The following EIF2S1 variants were observed in gnomAD, a reference collection of about 807,000 sequenced individuals.
The protein encoded by EIF2S1 is eukaryotic translation initiation factor 2 subunit alpha, also known as eukaryotic translation initiation factor 2 subunit 1.
A neutral mutation model predicts 33.5 loss-of-function variants in EIF2S1; 5 were observed. The observed-to-expected ratio is 0.15, with a 90% CI of 0.08 to 0.31. EIF2S1 has a LOEUF of 0.31. EIF2S1 is among the 10% of genes least tolerant of loss of function. The pLI is 1.00. For missense variants in EIF2S1, 191 were observed against 384.6 expected, an observed-to-expected ratio of 0.50 and a Z score of 4.21; for synonymous variants, 99 against 127.5, an observed-to-expected ratio of 0.78 and a Z score of 1.51.
At chr14:67,380,042 T>C (rs10141180) in intron 4 of EIF2S1, among the ~76,000 whole-genome samples, 28,900 of 152,114 alleles carry the variant, frequency 0.19, 4,404 homozygotes, top group East Asian at 0.48. Flanking sequence ...CAGGCATGAG[T>C]CACTGGTGCC....
chr14:67,365,892 A>C (rs1006239973), intron 2 of EIF2S1, among the ~76,000 whole-genome samples: 4 of 152,146 alleles, frequency 2.6e-5, no homozygotes, highest in Admixed American at 2.0e-4. Flanking sequence ...GATGATACAT[A>C]GATTTTGAGG....
At chr14:67,368,314 T>G (rs1165593230) in intron 2 of EIF2S1, among the ~76,000 whole-genome samples, 1 of 152,130 alleles carries the variant, frequency 6.6e-6, no homozygotes, top group African/African-American at 2.4e-5. Flanking sequence ...AGGGAGAATT[T>G]TGGCTTGGTG....
chr14:67,378,909 TTTG>T (rs1386422137), intron 4 of EIF2S1, among the ~76,000 whole-genome samples: 7 of 152,230 alleles, frequency 4.6e-5, no homozygotes, highest in African/African-American at 1.7e-4. Flanking sequence ...ATCAATATCA[TTTG>T]TTTTTATTGT....
chr14:67,373,448 G>T (rs1328830276), intron 2 of EIF2S1, among the ~76,000 whole-genome samples: 1 of 152,166 alleles, frequency 6.6e-6, no homozygotes, highest in African/African-American at 2.4e-5. Context: ...GACAAAATTT[G>T]TCACCCATTC....
intron 2 of EIF2S1, among the ~76,000 whole-genome samples, chr14:67,366,148 T>C (rs2085777201): frequency 1.3e-5 from 2 of 151,598 alleles, no homozygotes; most frequent in South Asian, 2.1e-4. Context: ...AGTGGTATGA[T>C]CATAGGTCGC....
chr14:67,376,844 T>G (rs2141144172), intron 4 of EIF2S1, among the ~76,000 whole-genome samples: 1 of 152,350 alleles, frequency 6.6e-6, no homozygotes, highest in South Asian at 2.1e-4. Flanking sequence ...GCTATGGGAC[T>G]AAAGAGCATG....
In EIF2S1 at chr14:67,369,494, C is replaced by T. The variant is rs978465752; in HGVS notation, c.241+4486C>T. On this transcript the variant is annotated intron_variant, in intron 2 of 7. Transcript: ENST00000256383. ...CTTGACTTGTTTGATACCTAGAACA[C>T]TGCACCCAGAAAAGGCAAAATACAC... 2.6e-5 allele frequency among the ~76,000 whole-genome samples: 4 copies of T among 152,198 alleles called. No individual in the cohort carries two copies. The South Asian group carries it at 8.3e-4, about 31-fold the overall frequency.
chr14:67,383,914 C>G lies in EIF2S1; in HGVS notation c.*474C>G, dbSNP rs11547441. On this transcript the variant is annotated 3_prime_UTR_variant, in exon 8 of 8. Transcript: ENST00000256383. The stretch of plus-strand genomic sequence containing the variant: ...TTAAAAGCATTTTAATACTAAGACC[C>G]TAATTCTTTTATCTTTATTTTAGTC... The G allele has an allele frequency of 1.6e-5, 3 of 191,390 alleles. No individual in the cohort carries two copies. The highest frequency in any genetic ancestry group is 7.2e-5 in the African/African-American group (3 of 41,886). 11.9% of individuals were successfully genotyped at this position (191,390 alleles called of 1,614,324 possible).
chr14:67,374,066 T>A (rs2085843165), intron 2 of EIF2S1, among the ~76,000 whole-genome samples: 1 of 152,154 alleles, frequency 6.6e-6, no homozygotes, highest in Admixed American at 6.5e-5. Context: ...AAAAATTTAT[T>A]TCTGAAAACA....
chr14:67,383,163 T>G (rs1297780141), intron 7 of EIF2S1, 152 bp from the exon 8 acceptor site: 4 of 778,162 alleles, frequency 5.1e-6, no homozygotes, highest in Non-Finnish European at 7.8e-6. Flanking sequence ...TGTAATGGAA[T>G]TTATTGCTGA....
chr14:67,366,844 A>ATGTT (rs2085782030), intron 2 of EIF2S1, among the ~76,000 whole-genome samples: 1 of 152,270 alleles, frequency 6.6e-6, no homozygotes, highest in African/African-American at 2.4e-5. Context: ...AAGAAAGGGT[A>ATGTT]TGTTTTCTGT....
intron 6 of EIF2S1, 29 bp from the exon 7 acceptor site, chr14:67,382,418 A>G (rs1280258848): frequency 1.3e-6 from 2 of 1,595,872 alleles, no homozygotes; most frequent in African/African-American, 1.4e-5. Context: ...AGGTACATTC[A>G]TAAATGAATT....
At position 67,385,627 on chromosome 14, in the gene EIF2S1, G is replaced by T. The variant is rs1172334742; in HGVS notation, c.*2187G>T. 1 of 149,932 alleles carries T rather than the reference G, an allele frequency of 6.7e-6. No individual in the cohort carries two copies. Among genetic ancestry groups the T allele is most frequent in the Non-Finnish European group, 1.5e-5 (1 of 67,702 alleles). 9.3% of individuals were successfully genotyped at this position (149,932 alleles called of 1,614,324 possible). ...TTAATTGAAAATCAGTAATGGCCAGGAAGAAATATGAATATTCAAACCACT... is the reference window on the plus strand; with the variant it reads ...TTAATTGAAAATCAGTAATGGCCAGTAAGAAATATGAATATTCAAACCACT... On this transcript the variant is annotated 3_prime_UTR_variant, in exon 8 of 8. Coordinates refer to ENST00000256383, the MANE Select transcript of EIF2S1 (RefSeq NM_004094.5).
At position 67,384,076 on chromosome 14, in the gene EIF2S1, A is replaced by T. The variant is rs969106552; in HGVS notation, c.*636A>T. On this transcript the variant is annotated 3_prime_UTR_variant, in exon 8 of 8. Transcript: ENST00000256383. ...TTAGCGGGACAAAGCCTTAAAATGC[A>T]TTGAAAGAATTAGATCGGTTCTGTG... 6.5e-6 allele frequency: 1 copy of T among 154,788 alleles called. No individual in the cohort carries two copies. Among genetic ancestry groups the T allele is most frequent in the African/African-American group, 2.4e-5 (1 of 41,468 alleles). The allele number at this position is 154,788 out of a possible 1,614,324, so 9.6% of individuals were successfully genotyped here.
intron 2 of EIF2S1, among the ~76,000 whole-genome samples, chr14:67,366,231 C>T (rs538770027): frequency 2.6e-5 from 4 of 152,070 alleles, no homozygotes; most frequent in Non-Finnish European, 4.4e-5. Flanking sequence ...CAGGCATGTG[C>T]CACCCTGCCC....
intron 1 of EIF2S1, among the ~76,000 whole-genome samples, chr14:67,363,830 C>A (rs1223648332): frequency 6.6e-6 from 1 of 152,162 alleles, no homozygotes; most frequent in Non-Finnish European, 1.5e-5. Context: ...AGTTCTGTTA[C>A]TACCTACGTT....
At position 67,384,367 on chromosome 14, in the gene EIF2S1, GTTTT is replaced by G. The variant is rs34318358; in HGVS notation, c.*937_*940del. The stretch of plus-strand genomic sequence containing the variant: ...GGGATCTGTTTGAACACTTACTGTT[GTTTT>G]TTTTTTTTTACATGTTTCCATCATT... On this transcript the variant is annotated 3_prime_UTR_variant, in exon 8 of 8. Transcript: ENST00000256383. 5 of 141,206 alleles carry G rather than the reference GTTTT, an allele frequency of 3.5e-5. No individual in the cohort carries two copies. Among genetic ancestry groups the G allele is most frequent in the African/African-American group, 7.6e-5 (3 of 39,248 alleles). The allele number at this position is 141,206 out of a possible 1,614,324, so 8.7% of individuals were successfully genotyped here. A position where few individuals can be genotyped will look rare whatever the true frequency, so the allele number is the denominator to read the frequency against.
At chr14:67,364,519 C>T in intron 1 of EIF2S1, 1 of 374,822 alleles carries the variant, frequency 2.7e-6, no homozygotes, top group Non-Finnish European at 4.8e-6. Context: ...TTTATGATTC[C>T]TCTGAAACTA....
At chr14:67,370,225 T>C (rs2085811329) in intron 2 of EIF2S1, among the ~76,000 whole-genome samples, 1 of 152,214 alleles carries the variant, frequency 6.6e-6, no homozygotes, top group Admixed American at 6.5e-5. Flanking sequence ...ACCTTCCAGC[T>C]TGGGCGTTAG....
Sources: gnomAD v4.1 joint callset for allele counts (sites outside exome capture counted in the v4.1 genomes callset) on GRCh38, gnomAD v4.1.1 for gene constraint, MANE v1.5 for transcripts, NCBI Gene and HGNC (gene_info 2026-07-23, HGNC 2026-07-21) for gene names.